The following TUSC3 variants were observed in gnomAD, a reference collection of about 807,000 sequenced individuals.
TUSC3 encodes tumor suppressor candidate 3.
Under a neutral mutation model 44.8 loss-of-function variants are expected in TUSC3, and 45 were observed. That is an observed-to-expected ratio of 1.00 (90% CI 0.79 to 1.29). The LOEUF (loss-of-function observed/expected upper bound fraction) is 1.29. Among genes scored for constraint, TUSC3 ranks in the 50% most tolerant of loss-of-function variants. TUSC3 has a pLI of 0.00. For missense variants in TUSC3, 519 were observed against 437.9 expected (o/e 1.19, Z -1.65); for synonymous variants, 212 against 152.9 (o/e 1.39, Z -2.85).
At chr8:15,643,068 T>A (rs1252730288) in intron 2 of TUSC3, among the ~76,000 whole-genome samples, 1 of 152,194 alleles carries the variant, frequency 6.6e-6, no homozygotes, top group Non-Finnish European at 1.5e-5. Context: ...TGATAGTGAG[T>A]GAGTCCTCAC....
intron 2 of TUSC3, among the ~76,000 whole-genome samples, chr8:15,496,850 C>G (rs528330807): frequency 6.6e-6 from 1 of 152,172 alleles, no homozygotes; most frequent in African/African-American, 2.4e-5. Context: ...CATTGGCATA[C>G]CATAACAGAG....
At chr8:15,687,707 T>C (rs1808698925) in intron 6 of TUSC3, among the ~76,000 whole-genome samples, 1 of 152,210 alleles carries the variant, frequency 6.6e-6, no homozygotes, top group East Asian at 1.9e-4. Context: ...AAGAACCTTG[T>C]GATTTGTACC....
At chr8:15,420,800 C>T (rs1799729442) in intron 1 of TUSC3, among the ~76,000 whole-genome samples, 1 of 152,036 alleles carries the variant, frequency 6.6e-6, no homozygotes, top group Admixed American at 6.5e-5. Context: ...TTGGCCTCAC[C>T]CCACGCTCCT....
chr8:15,630,567 A>G (rs2129167680), intron 2 of TUSC3, among the ~76,000 whole-genome samples: 1 of 152,290 alleles, frequency 6.6e-6, no homozygotes, highest in South Asian at 2.1e-4. Flanking sequence ...AAAGTCACAC[A>G]GCTAGTAACT....
chr8:15,735,276 T>G (rs1256073399), intron 7 of TUSC3, among the ~76,000 whole-genome samples: 1 of 150,298 alleles, frequency 6.7e-6, no homozygotes, highest in African/African-American at 2.5e-5. Context: ...AGCTGCTGTT[T>G]TAGAGGAAGA....
the TUSC3 span, among the ~76,000 whole-genome samples, chr8:15,848,324 C>T: frequency 1.3e-5 from 2 of 152,204 alleles, no homozygotes; most frequent in Non-Finnish European, 2.9e-5. Context: ...AATGTGCTGA[C>T]AATACAGCAC....
chr8:15,764,252 C>A lies in TUSC3; in HGVS notation c.*96C>A. On this transcript the variant is annotated 3_prime_UTR_variant, in exon 11 of 11. Coordinates refer to ENST00000503731, the MANE Select transcript of TUSC3 (RefSeq NM_006765.4). Reference sequence around the variant, plus strand: ...GGGATTTGCATAAAGTGAATGTTTACCATGAAGATAAACTGTTCCTGACTT... The same window carrying A: ...GGGATTTGCATAAAGTGAATGTTTAACATGAAGATAAACTGTTCCTGACTT... 1.2e-6 allele frequency: 2 copies of A among 1,600,190 alleles called. No homozygotes were observed. Among genetic ancestry groups the A allele is most frequent in the Non-Finnish European group, 1.7e-6 (2 of 1,169,290 alleles).
At chr8:15,702,183 T>A (rs1032104506) in intron 6 of TUSC3, among the ~76,000 whole-genome samples, 1 of 152,146 alleles carries the variant, frequency 6.6e-6, no homozygotes, top group African/African-American at 2.4e-5. Context: ...CTCTGGCATT[T>A]ACTCTTAAAA....
At chr8:15,519,937 G>A (rs1801272242) in intron 2 of TUSC3, among the ~76,000 whole-genome samples, 1 of 152,108 alleles carries the variant, frequency 6.6e-6, no homozygotes, top group South Asian at 2.1e-4. Flanking sequence ...TACCTAAATG[G>A]AGAGATTGGA....
the TUSC3 span, among the ~76,000 whole-genome samples, chr8:15,819,795 T>C: frequency 0.14 from 20,772 of 152,232 alleles, 1,544 homozygotes; most frequent in East Asian, 0.25. Context: ...GAACTCACAA[T>C]GTGGGCATTC....
intron 1 of TUSC3, among the ~76,000 whole-genome samples, chr8:15,569,977 C>T (rs1476149972): frequency 2.0e-5 from 3 of 151,944 alleles, no homozygotes; most frequent in South Asian, 2.1e-4. Context: ...AATTCATTTT[C>T]TTTAAAAATA....
chr8:15,453,917 C>G (rs1270643218), intron 1 of TUSC3, among the ~76,000 whole-genome samples: 2 of 152,112 alleles, frequency 1.3e-5, no homozygotes, highest in African/African-American at 4.8e-5. Flanking sequence ...ACCAGCTTCC[C>G]ATTAAGATCT....
At chr8:15,700,849 C>CTTTTTTTTTTTT (rs71211076) in intron 6 of TUSC3, among the ~76,000 whole-genome samples, 1,719 of 90,168 alleles carry the variant, frequency 0.019, 140 homozygotes, top group East Asian at 0.059. Flanking sequence ...ATGGCTGGAG[C>CTTTTTTTTTTTT]TTTTTTTTTT....
chr8:15,461,656 C>G (rs1363132695), intron 1 of TUSC3, among the ~76,000 whole-genome samples: 1 of 151,420 alleles, frequency 6.6e-6, no homozygotes, highest in Non-Finnish European at 1.5e-5. Flanking sequence ...TTCAGTATTA[C>G]GTTAGCTGTG....
intron 1 of TUSC3, among the ~76,000 whole-genome samples, chr8:15,474,741 T>C (rs1800551501): frequency 6.6e-6 from 1 of 152,182 alleles, no homozygotes; most frequent in South Asian, 2.1e-4. Context: ...AATAAAAGAA[T>C]ACATTACAAA....
intron 2 of TUSC3, among the ~76,000 whole-genome samples, chr8:15,631,124 TGTTCTTTTTCTG>T (rs1276155283): frequency 6.6e-6 from 1 of 152,222 alleles, no homozygotes. Flanking sequence ...GCCTTTTACA[TGTTCTTTTTCTG>T]GTTTGGCTAA....
chr8:15,598,047 G>A (rs1160000785), intron 1 of TUSC3, among the ~76,000 whole-genome samples: 5 of 151,932 alleles, frequency 3.3e-5, no homozygotes, highest in Non-Finnish European at 7.4e-5. Context: ...TAGATTCAAC[G>A]TAAATAAATG....
intron 1 of TUSC3, among the ~76,000 whole-genome samples, chr8:15,588,253 A>T (rs1803677410): frequency 6.6e-6 from 1 of 151,906 alleles, no homozygotes; most frequent in East Asian, 1.9e-4. Flanking sequence ...GATACTTGTC[A>T]TTCTGGGATT....
the TUSC3 span, chr8:15,806,335 T>A: frequency 1.4e-6 from 1 of 723,942 alleles, no homozygotes; most frequent in Non-Finnish European, 2.6e-6. Flanking sequence ...CCCTGCTTCT[T>A]TATGATTTCT....
Sources: allele counts gnomAD v4.1 joint callset (sites outside exome capture counted in the v4.1 genomes callset), GRCh38; gene constraint gnomAD v4.1.1; transcripts MANE v1.5; gene names NCBI Gene and HGNC (gene_info 2026-07-23, HGNC 2026-07-21).